LRMDA: variants seen among roughly 807,000 people sequenced by gnomAD.
LRMDA encodes leucine-rich melanocyte differentiation-associated protein.
LRMDA carries 18 observed loss-of-function variants against 29.8 expected under a neutral mutation model. The observed-to-expected ratio is 0.60, with a 90% CI of 0.42 to 0.90. The LOEUF (loss-of-function observed/expected upper bound fraction) is 0.90. Ranked by LOEUF, LRMDA falls within the 40% of genes least tolerant of loss-of-function variation. The probability of loss-of-function intolerance (pLI) is 0.00; values close to 1 mark genes in which losing one functional copy is unlikely to be tolerated. For synonymous variants in LRMDA, 125 were observed against 109.4 expected, an observed-to-expected ratio of 1.14 and a Z score of -0.89; for missense variants, 273 against 273.9, an observed-to-expected ratio of 1.00 and a Z score of 0.02.
At chr10:76,048,623 C>T (rs1345623036) in intron 4 of LRMDA, among the ~76,000 whole-genome samples, 1 of 152,168 alleles carries the variant, frequency 6.6e-6, no homozygotes, top group Non-Finnish European at 1.5e-5. Context: ...CAAGGATCTA[C>T]CTCTGAGTCA....
intron 2 of LRMDA, among the ~76,000 whole-genome samples, chr10:75,529,740 G>A (rs941048967): frequency 2.0e-5 from 3 of 152,166 alleles, no homozygotes; most frequent in African/African-American, 4.8e-5. Context: ...AATAAAAAAC[G>A]TGTAGGAAAG....
chr10:75,667,712 G>C (rs1841840632), intron 2 of LRMDA, among the ~76,000 whole-genome samples: 1 of 152,110 alleles, frequency 6.6e-6, no homozygotes, highest in Non-Finnish European at 1.5e-5. Flanking sequence ...GAATCAGCTG[G>C]ATGGAACCAT....
chr10:76,469,047 G>T (rs978605238), intron 6 of LRMDA, among the ~76,000 whole-genome samples: 5 of 152,156 alleles, frequency 3.3e-5, no homozygotes, highest in African/African-American at 9.7e-5. Flanking sequence ...TATTGTACTA[G>T]GAGAATACAG....
rs765614522 is a variant in LRMDA, at chr10:76,047,257, G to A, written c.352G>A (p.Glu118Lys). The A allele has an allele frequency of 1.2e-5, 20 of 1,613,994 alleles. No homozygotes were observed. The highest frequency in any genetic ancestry group is 1.7e-5 in the Non-Finnish European group (20 of 1,179,926). Reference protein sequence around the residue: ...SLLGNVACPNELVSLEKDEED... With the variant: ...SLLGNVACPNKLVSLEKDEED... The stretch of plus-strand genomic sequence containing the variant: ...GCTGGGCAACGTGGCCTGTCCCAAC[G>A]AGCTGGTCAGCTTGGAAAAGGATGA... The change falls in exon 4 of 7, where the codon GAG (glutamate) becomes AAG (lysine). Residue 118 changes from glutamate to lysine, a missense_variant. By Grantham distance (56) the Glu-to-Lys change is moderately conservative. Coordinates refer to ENST00000611255, the MANE Select transcript of LRMDA (RefSeq NM_001305581.2).
intron 5 of LRMDA, among the ~76,000 whole-genome samples, chr10:76,121,713 A>G (rs1299328891): frequency 6.6e-6 from 1 of 152,224 alleles, no homozygotes; most frequent in African/African-American, 2.4e-5. Flanking sequence ...TATTAGATTC[A>G]GTCCTCCTCC....
At chr10:76,395,987 G>A (rs541466671) in intron 6 of LRMDA, among the ~76,000 whole-genome samples, 1 of 152,184 alleles carries the variant, frequency 6.6e-6, no homozygotes, top group Non-Finnish European at 1.5e-5. Flanking sequence ...GATACAAAAA[G>A]TTCCTTGTGA....
intron 6 of LRMDA, among the ~76,000 whole-genome samples, chr10:76,533,231 C>G (rs11001807): frequency 1.3e-5 from 2 of 151,914 alleles, no homozygotes; most frequent in East Asian, 3.9e-4. Context: ...ATTATTGAAT[C>G]TGTCCTAAAA....
chr10:75,548,503 C>T (rs1840105932), intron 2 of LRMDA, among the ~76,000 whole-genome samples: 1 of 152,076 alleles, frequency 6.6e-6, no homozygotes, highest in South Asian at 2.1e-4. Context: ...TAATTAGGTT[C>T]CTTCTGACCT....
chr10:76,116,008 A>C (rs898446890), intron 5 of LRMDA, among the ~76,000 whole-genome samples: 7 of 152,190 alleles, frequency 4.6e-5, no homozygotes, highest in African/African-American at 1.7e-4. Context: ...ACTTGTGGGA[A>C]GCACAGTGTG....
chr10:76,058,865 C>G, intron 5 of LRMDA, 82 bp downstream of exon 5: 1 of 1,085,982 alleles, frequency 9.2e-7, no homozygotes, highest in South Asian at 1.3e-5. Flanking sequence ...AGAATGTCCT[C>G]TGAGTGTTTA....
intron 2 of LRMDA, among the ~76,000 whole-genome samples, chr10:75,691,097 TAG>T (rs1564541049): frequency 7.2e-5 from 6 of 83,164 alleles, no homozygotes; most frequent in Non-Finnish European, 1.1e-4. Flanking sequence ...TCTATGTACA[TAG>T]ATATATAGAT....
intron 6 of LRMDA, among the ~76,000 whole-genome samples, chr10:76,393,794 G>C (rs4366431): frequency 0.019 from 2,916 of 152,216 alleles, 89 homozygotes; most frequent in African/African-American, 0.066. Flanking sequence ...GCTGCTTCAG[G>C]TCTTATGTTG....
chr10:75,860,835 G>A (rs890610872), intron 2 of LRMDA, among the ~76,000 whole-genome samples: 13 of 152,122 alleles, frequency 8.5e-5, no homozygotes, highest in Admixed American at 8.5e-4. Flanking sequence ...TATACACTGG[G>A]GAAGAACTCG....
intron 2 of LRMDA, among the ~76,000 whole-genome samples, chr10:75,585,406 G>A (rs985514238): frequency 6.6e-5 from 10 of 152,160 alleles, no homozygotes; most frequent in African/African-American, 2.4e-4. Context: ...GGAAATTTGG[G>A]TTGTTTGCAG....
At chr10:75,695,143 G>T (rs1243243439) in intron 2 of LRMDA, among the ~76,000 whole-genome samples, 2 of 152,126 alleles carry the variant, frequency 1.3e-5, no homozygotes, top group East Asian at 3.9e-4. Flanking sequence ...CAGTAAGACA[G>T]GGGTGGGTGG....
intron 2 of LRMDA, 49 bp from the exon 3 acceptor site, chr10:76,035,959 T>A: frequency 6.3e-7 from 1 of 1,590,674 alleles, no homozygotes; most frequent in Non-Finnish European, 8.6e-7. Flanking sequence ...CATAATGGCC[T>A]CCCTGATTTA....
At chr10:76,241,346 A>T (rs1291136804) in intron 5 of LRMDA, among the ~76,000 whole-genome samples, 2 of 152,184 alleles carry the variant, frequency 1.3e-5, no homozygotes, top group East Asian at 3.9e-4. Context: ...CTTCCATTGT[A>T]AGGTTCCCAA....
intron 2 of LRMDA, among the ~76,000 whole-genome samples, chr10:75,716,641 G>C (rs1439206968): frequency 2.0e-5 from 3 of 152,156 alleles, no homozygotes; most frequent in African/African-American, 4.8e-5. Flanking sequence ...CTTCCATTCT[G>C]TGCATAGGAA....
At chr10:76,020,025 A>T (rs530110222) in intron 2 of LRMDA, among the ~76,000 whole-genome samples, 2 of 152,312 alleles carry the variant, frequency 1.3e-5, no homozygotes, top group East Asian at 3.9e-4. Flanking sequence ...CTGAGCCCAG[A>T]TAAGGGAGGG....
Sources: allele counts gnomAD v4.1 joint callset (sites outside exome capture counted in the v4.1 genomes callset), GRCh38; gene constraint gnomAD v4.1.1; transcripts MANE v1.5; gene names NCBI Gene and HGNC (gene_info 2026-07-23, HGNC 2026-07-21).